KLHL8: variants seen among roughly 807,000 people sequenced by gnomAD.
KLHL8 encodes the protein kelch like family member 8, also known as kelch-like protein 8.
A neutral mutation model predicts 63.5 loss-of-function variants in KLHL8; 38 were observed. The ratio of observed to expected loss-of-function variants is 0.60; its 90% confidence interval spans 0.46 to 0.78. The LOEUF is 0.78. Among genes scored for constraint, KLHL8 ranks in the 30% least tolerant of loss-of-function variants. The probability of loss-of-function intolerance (pLI) is 0.00; values close to 1 mark genes in which losing one functional copy is unlikely to be tolerated. For missense variants in KLHL8, 566 were observed against 752.4 expected (o/e 0.75, Z 2.90); for synonymous variants, 224 against 254.3 (o/e 0.88, Z 1.13).
rs71660120 is a variant in KLHL8 at position 87,165,149 on chromosome 4, C to CAAA, written c.1538-1073_1538-1071dup. ...TGGGCGACAGAGCAAGACTCTGTCT[C>CAAA]AAAAAAAAAAAAAAAAAAAAAAAAG... On this transcript the variant is annotated intron_variant, in intron 8 of 9. Coordinates refer to ENST00000273963, the MANE Select transcript of KLHL8 (RefSeq NM_020803.5). 1.9e-3 allele frequency among the ~76,000 whole-genome samples: 66 copies of CAAA among 33,980 alleles called. 1 individual carries two copies. The highest frequency in any genetic ancestry group is 2.8e-3 in the Non-Finnish European group (52 of 18,502). 22.3% of individuals were successfully genotyped at this position (33,980 alleles called of 152,430 possible). A position where few individuals can be genotyped will look rare whatever the true frequency, so the allele number is the denominator to read the frequency against.
intron 2 of KLHL8, among the ~76,000 whole-genome samples, chr4:87,191,940 T>C (rs1731510508): frequency 6.6e-6 from 1 of 152,202 alleles, no homozygotes; most frequent in Non-Finnish European, 1.5e-5. Context: ...AATAACATGA[T>C]TTCATTCTTT....
intron 2 of KLHL8, among the ~76,000 whole-genome samples, chr4:87,187,942 TAG>T (rs1731331640): frequency 6.6e-6 from 1 of 152,226 alleles, no homozygotes; most frequent in Admixed American, 6.5e-5. Context: ...TGACAACTCC[TAG>T]AGTGTTCAAA....
chr4:87,204,055 G>A (rs972228914), intron 1 of KLHL8, among the ~76,000 whole-genome samples: 1 of 152,146 alleles, frequency 6.6e-6, no homozygotes, highest in African/African-American at 2.4e-5. Flanking sequence ...CTGCCATTAC[G>A]TAAATGAAAA....
intron 4 of KLHL8, among the ~76,000 whole-genome samples, chr4:87,182,577 A>G (rs1321188357): frequency 6.6e-6 from 1 of 152,168 alleles, no homozygotes; most frequent in African/African-American, 2.4e-5. Context: ...ATATTTTATT[A>G]AAAAGTGATA....
chr4:87,178,636 C>A lies in KLHL8; in HGVS notation c.953-16G>T. 5.3e-6 allele frequency: 8 copies of A among 1,502,748 alleles called. No individual in the cohort carries two copies. Among genetic ancestry groups the A allele is most frequent in the African/African-American group, 1.4e-5 (1 of 69,418 alleles). 93.1% of individuals were successfully genotyped at this position (1,502,748 alleles called of 1,614,324 possible). On this transcript the variant is annotated splice_polypyrimidine_tract_variant and intron_variant, in intron 4 of 9. Coordinates refer to ENST00000273963, the MANE Select transcript of KLHL8 (RefSeq NM_020803.5). ...AACAGCACACCTAAAGGTAAAGCCA[C>A]AAAATAGAGATAAATCATAGCTGCC...
At chr4:87,231,115 G>A (rs1733129076) in intron 1 of KLHL8, among the ~76,000 whole-genome samples, 1 of 152,158 alleles carries the variant, frequency 6.6e-6, no homozygotes, top group Non-Finnish European at 1.5e-5. Context: ...ACCAGTGACT[G>A]AAGGGAGTTG....
chr4:87,184,291 T>G (rs546337873), intron 3 of KLHL8, among the ~76,000 whole-genome samples: 1 of 152,054 alleles, frequency 6.6e-6, no homozygotes, highest in Non-Finnish European at 1.5e-5. Context: ...TATGAATGCA[T>G]AAATATTGTG....
chr4:87,237,429 CAAAAT>C (rs1240141034), intron 1 of KLHL8, among the ~76,000 whole-genome samples: 1 of 151,920 alleles, frequency 6.6e-6, no homozygotes, highest in East Asian at 1.9e-4. Context: ...CAAAACAAAA[CAAAAT>C]GTGTTTTTTC....
At chr4:87,211,563 A>T (rs1732405994) in intron 1 of KLHL8, among the ~76,000 whole-genome samples, 1 of 152,178 alleles carries the variant, frequency 6.6e-6, no homozygotes, top group South Asian at 2.1e-4. Context: ...AGGCCAAGGC[A>T]GGCAGATCAC....
chr4:87,187,752 G>A (rs537924206), intron 2 of KLHL8, among the ~76,000 whole-genome samples: 1 of 152,026 alleles, frequency 6.6e-6, no homozygotes, highest in East Asian at 1.9e-4. Context: ...GAAGTTTTTG[G>A]TACTGAGTGG....
chr4:87,218,170 T>A (rs962216666), intron 1 of KLHL8, among the ~76,000 whole-genome samples: 1 of 152,176 alleles, frequency 6.6e-6, no homozygotes, highest in African/African-American at 2.4e-5. Context: ...TCAGTTTTGT[T>A]GTGAACTTAC....
intron 1 of KLHL8, among the ~76,000 whole-genome samples, chr4:87,214,363 C>A (rs957524798): frequency 1.5e-5 from 2 of 131,746 alleles, no homozygotes; most frequent in South Asian, 4.7e-4. Flanking sequence ...ATAGTATCAA[C>A]CTCATAGGAT....
In KLHL8 at chr4:87,163,570, GCTAGTTAAA is replaced by G; in HGVS notation, c.1803_1811del (p.Leu602_Ser604del). On this transcript the variant is annotated inframe_deletion, in exon 10 of 10. Transcript: ENST00000273963. Reference sequence around the variant, plus strand: ...ATCCATGACCTACATCTCGAATTTGGCTAGTTAAACAGGAACACACAGCTACTCCTGCTC... The same window carrying G: ...ATCCATGACCTACATCTCGAATTTGGCAGGAACACACAGCTACTCCTGCTC... The G allele has an allele frequency of 6.2e-7, 1 of 1,614,054 alleles. No individual in the cohort carries two copies. Among genetic ancestry groups the G allele is most frequent in the Non-Finnish European group, 8.5e-7 (1 of 1,179,982 alleles).
chr4:87,168,347 T>C (rs577742109), intron 8 of KLHL8, among the ~76,000 whole-genome samples: 163 of 152,112 alleles, frequency 1.1e-3, no homozygotes, highest in African/African-American at 3.6e-3. Context: ...TTTCTGATTG[T>C]AGTAAAGGTG....
In KLHL8 at chr4:87,176,746, T is replaced by C. The variant is rs1221120207; in HGVS notation, c.1208+11A>G. ...ACCATCAGTTCAAAATAACTTTCCA[T>C]GCTGATCTACCTCTTTGTGTTCATT... On this transcript the variant is annotated intron_variant, in intron 6 of 9. Coordinates refer to ENST00000273963, the MANE Select transcript of KLHL8 (RefSeq NM_020803.5). The C allele has an allele frequency of 2.8e-6, 4 of 1,428,232 alleles. No homozygotes were observed. Among genetic ancestry groups the C allele is most frequent in the Non-Finnish European group, 3.9e-6 (4 of 1,024,090 alleles). 88.5% of individuals were successfully genotyped at this position (1,428,232 alleles called of 1,614,324 possible). A position where few individuals can be genotyped will look rare whatever the true frequency, so the allele number is the denominator to read the frequency against.
At chr4:87,191,633 T>C (rs1731492149) in intron 2 of KLHL8, among the ~76,000 whole-genome samples, 1 of 152,170 alleles carries the variant, frequency 6.6e-6, no homozygotes. Context: ...GGGGTGCATG[T>C]GTAGGTCTGT....
At chr4:87,171,225 T>TA (rs1730622142) in intron 6 of KLHL8, among the ~76,000 whole-genome samples, 1 of 152,138 alleles carries the variant, frequency 6.6e-6, no homozygotes, top group Non-Finnish European at 1.5e-5. Context: ...CAATCAAAAG[T>TA]TGAACTATTA....
rs182035656 is a variant in KLHL8 at position 87,181,306 on chromosome 4, C to T, written c.952+1897G>A. Among the ~76,000 whole-genome samples, 672 of 151,146 alleles carry T rather than the reference C, an allele frequency of 4.4e-3. 7 individuals carry two copies. Among genetic ancestry groups the T allele is most frequent in the African/African-American group, 0.016 (643 of 41,274 alleles). On this transcript the variant is annotated intron_variant, in intron 4 of 9. Coordinates refer to ENST00000273963, the MANE Select transcript of KLHL8 (RefSeq NM_020803.5). ...AAAGAAAAAAAAAAAATTTGCCCGG[C>T]GTGGTGGGGCACACAAGAATGGCTT...
At position 87,176,792 on chromosome 4, in the gene KLHL8, AT is replaced by A. The variant is rs757359699; in HGVS notation, c.1172del (p.Asn391IlefsTer4). The A allele has an allele frequency of 6.2e-7, 1 of 1,604,200 alleles. No homozygotes were observed. Among genetic ancestry groups the A allele is most frequent in the African/African-American group, 1.3e-5 (1 of 74,714 alleles). ...GSMEMFDPLT[N>X]KWMMKASMNT... ...TCATTGATGCCTTCATCATCCATTTATTAGTGAGAGGATCAAACATCTCCAT... is the reference window on the plus strand; with the variant it reads ...TCATTGATGCCTTCATCATCCATTTATAGTGAGAGGATCAAACATCTCCAT... On this transcript the variant is annotated frameshift_variant, in exon 6 of 10. Transcript: ENST00000273963. LOFTEE classifies it high-confidence loss of function.
Sources: allele counts gnomAD v4.1 joint callset (sites outside exome capture counted in the v4.1 genomes callset), GRCh38; gene constraint gnomAD v4.1.1; transcripts MANE v1.5; gene names NCBI Gene and HGNC (gene_info 2026-07-23, HGNC 2026-07-21).